The following TMEM131 variants were observed in gnomAD, a reference collection of about 807,000 sequenced individuals.
TMEM131 encodes 2610524E03Rik.
Under a neutral mutation model 211.6 loss-of-function variants are expected in TMEM131, and 66 were observed. The ratio of observed to expected loss-of-function variants is 0.31; its 90% confidence interval spans 0.26 to 0.38. TMEM131 has a LOEUF of 0.38. TMEM131 is among the 10% of genes least tolerant of loss of function. The pLI, the probability that TMEM131 is intolerant of heterozygous loss-of-function variation, is 1.00. For missense variants in TMEM131, 2,036 were observed against 2,299.3 expected (o/e 0.89, Z 2.34); for synonymous variants, 844 against 841.3 (o/e 1.00, Z -0.06).
intron 3 of TMEM131, among the ~76,000 whole-genome samples, chr2:97,892,056 TTAAA>T (rs1675397939): frequency 6.6e-6 from 1 of 152,182 alleles, no homozygotes; most frequent in African/African-American, 2.4e-5. Context: ...AAACAGTGAT[TTAAA>T]TGAATAAGAC....
intron 22 of TMEM131, 122 bp downstream of exon 22, chr2:97,804,966 T>C (rs1013052388): frequency 1.6e-6 from 1 of 642,120 alleles, no homozygotes; most frequent in Non-Finnish European, 2.5e-6. Flanking sequence ...TTTCTGAAAA[T>C]TAGGCATTCT....
chr2:97,981,518 C>A (rs1390242333), intron 1 of TMEM131, among the ~76,000 whole-genome samples: 1 of 152,148 alleles, frequency 6.6e-6, no homozygotes, highest in Non-Finnish European at 1.5e-5. Flanking sequence ...AACTTTGCCA[C>A]CCAAATAAGT....
At chr2:97,982,971 C>T (rs1679861734) in intron 1 of TMEM131, among the ~76,000 whole-genome samples, 1 of 152,186 alleles carries the variant, frequency 6.6e-6, no homozygotes, top group East Asian at 1.9e-4. Flanking sequence ...TTAGGTACAA[C>T]TGAAGCCTGT....
At position 97,792,987 on chromosome 2, in the gene TMEM131, G is replaced by GA; in HGVS notation, c.3546-4dup. On this transcript the variant is annotated splice_polypyrimidine_tract_variant and splice_region_variant and intron_variant, in intron 30 of 40. Transcript: ENST00000186436. ...GGTCACAGCTGAGTGTGTTCAAGCT[G>GA]AAAAAGGGACCAACTGCAGATCAGT... is the stretch of plus-strand genomic sequence containing the variant. The GA allele has an allele frequency of 6.5e-7, 1 of 1,529,666 alleles. No individual in the cohort carries two copies. Among genetic ancestry groups the GA allele is most frequent in the Non-Finnish European group, 8.8e-7 (1 of 1,142,296 alleles). 94.8% of individuals were successfully genotyped at this position (1,529,666 alleles called of 1,614,324 possible). A position where few individuals can be genotyped will look rare whatever the true frequency, so the allele number is the denominator to read the frequency against.
chr2:97,766,075 G>A (rs576168827), intron 35 of TMEM131, 39 bp downstream of exon 35: 6 of 1,609,160 alleles, frequency 3.7e-6, no homozygotes, highest in Non-Finnish European at 5.1e-6. Flanking sequence ...TGGATTGTGG[G>A]TAAGTGGAGC....
intron 1 of TMEM131, among the ~76,000 whole-genome samples, chr2:97,994,880 A>C (rs1490261091): frequency 6.6e-6 from 1 of 152,240 alleles, no homozygotes; most frequent in Non-Finnish European, 1.5e-5. Flanking sequence ...TCAAAGATAA[A>C]GGCACCGAAT....
chr2:97,896,880 TTGTC>T (rs977431605), intron 3 of TMEM131, among the ~76,000 whole-genome samples: 23 of 151,952 alleles, frequency 1.5e-4, no homozygotes, highest in African/African-American at 4.6e-4. Flanking sequence ...AAAAAAAAAA[TTGTC>T]TGTTGAAATT....
chr2:97,979,910 C>T (rs143107748), intron 1 of TMEM131, among the ~76,000 whole-genome samples: 69 of 152,280 alleles, frequency 4.5e-4, no homozygotes, highest in African/African-American at 1.6e-3. Context: ...TTAATCATAT[C>T]TAGCTTTTGA....
intron 4 of TMEM131, among the ~76,000 whole-genome samples, chr2:97,884,367 A>G (rs1573507314): frequency 6.6e-6 from 1 of 152,174 alleles, no homozygotes; most frequent in Admixed American, 6.5e-5. Flanking sequence ...AGAATGCTTC[A>G]TGTGTTGACG....
chr2:97,869,153 C>T (rs902324468), intron 4 of TMEM131, among the ~76,000 whole-genome samples: 5 of 152,218 alleles, frequency 3.3e-5, no homozygotes, highest in African/African-American at 1.2e-4. Context: ...TAACTGGCAA[C>T]CATTCATGCA....
intron 4 of TMEM131, among the ~76,000 whole-genome samples, chr2:97,870,446 G>C (rs1292143407): frequency 6.6e-6 from 1 of 152,042 alleles, no homozygotes; most frequent in Non-Finnish European, 1.5e-5. Flanking sequence ...GACAGAAGTA[G>C]GGCCAAAAGG....
At chr2:97,903,090 A>G (rs1011137282) in intron 3 of TMEM131, among the ~76,000 whole-genome samples, 1 of 152,202 alleles carries the variant, frequency 6.6e-6, no homozygotes, top group Non-Finnish European at 1.5e-5. Context: ...TACACATGGC[A>G]CATAAAGATT....
intron 13 of TMEM131, among the ~76,000 whole-genome samples, 200 bp from the exon 14 acceptor site, chr2:97,814,588 A>C (rs1460324101): frequency 3.3e-5 from 5 of 151,740 alleles, no homozygotes; most frequent in Non-Finnish European, 7.4e-5. Context: ...ATTAATACAA[A>C]CAACCATTCT....
chr2:97,838,426 C>CTTTTTTTTTTTTTT (rs753635047), intron 7 of TMEM131, among the ~76,000 whole-genome samples: 4 of 89,092 alleles, frequency 4.5e-5, no homozygotes, highest in African/African-American at 1.7e-4. Flanking sequence ...TAAGCTTAAA[C>CTTTTTTTTTTTTTT]TTTTTTTTTT....
chr2:97,780,868 G>GAAGT (rs78064148), intron 31 of TMEM131, among the ~76,000 whole-genome samples: 8,091 of 152,256 alleles, frequency 0.053, 306 homozygotes, highest in Middle Eastern at 0.12. Context: ...GAAAAACTCG[G>GAAGT]AAGTGTGTTT....
At chr2:97,764,362 G>A (rs369345056) in intron 35 of TMEM131, 1 of 152,332 alleles carries the variant, frequency 6.6e-6, no homozygotes, top group African/African-American at 2.4e-5. Context: ...AAGTGATGGA[G>A]AGCATGTGGG....
intron 4 of TMEM131, among the ~76,000 whole-genome samples, chr2:97,874,613 C>G (rs1674617171): frequency 6.6e-6 from 1 of 152,272 alleles, no homozygotes. Context: ...AATTTCATAT[C>G]CAGCCAAACT....
At chr2:97,833,523 T>G in intron 10 of TMEM131, 97 bp from the exon 11 acceptor site, 1 of 625,850 alleles carries the variant, frequency 1.6e-6, no homozygotes, top group Non-Finnish European at 2.8e-6. Context: ...AGCTATCAAT[T>G]TGTGAAATAC....
intron 26 of TMEM131, 116 bp downstream of exon 26, chr2:97,797,249 T>C (rs1248124004): frequency 8.4e-6 from 9 of 1,075,260 alleles, no homozygotes; most frequent in Non-Finnish European, 1.2e-5. Flanking sequence ...GTGCATGTTT[T>C]GGACAAAGTG....
Sources: gnomAD v4.1 joint callset for allele counts (sites outside exome capture counted in the v4.1 genomes callset) on GRCh38, gnomAD v4.1.1 for gene constraint, MANE v1.5 for transcripts, NCBI Gene and HGNC (gene_info 2026-07-23, HGNC 2026-07-21) for gene names.